Variants in MOB3B observed in about 807,000 individuals in gnomAD.
MOB3B encodes MOB kinase activator-like 2B.
Under a neutral mutation model 18.7 loss-of-function variants are expected in MOB3B, and 7 were observed. The ratio of observed to expected loss-of-function variants is 0.37; its 90% CI spans 0.21 to 0.70. MOB3B has a LOEUF of 0.70. MOB3B is among the 30% of genes least tolerant of loss of function. The pLI, the probability that MOB3B is intolerant of heterozygous loss-of-function variation, is 0.52. For synonymous variants in MOB3B, 111 were observed against 99.9 expected, an observed-to-expected ratio of 1.11 and a Z score of -0.66; for missense variants, 253 against 281.3, an observed-to-expected ratio of 0.90 and a Z score of 0.72.
At chr9:27,378,402 AC>A (rs1405717021) in intron 2 of MOB3B, 1 of 471,670 alleles carries the variant, frequency 2.1e-6, no homozygotes, top group South Asian at 1.5e-5. Flanking sequence ...GACAAAGTGA[AC>A]AGGAGGCAAA....
At chr9:27,363,459 G>A (rs555867826) in intron 2 of MOB3B, among the ~76,000 whole-genome samples, 2 of 151,864 alleles carry the variant, frequency 1.3e-5, no homozygotes, top group Admixed American at 6.6e-5. Flanking sequence ...TAGTAGAGAC[G>A]GGGTTTCACT....
intron 1 of MOB3B, among the ~76,000 whole-genome samples, chr9:27,474,460 C>T (rs1819522329): frequency 6.6e-6 from 1 of 152,188 alleles, no homozygotes; most frequent in Admixed American, 6.5e-5. Flanking sequence ...TCAAGGCTGG[C>T]TGAATAAACC....
intron 2 of MOB3B, among the ~76,000 whole-genome samples, chr9:27,403,361 A>G (rs1309161349): frequency 6.6e-6 from 1 of 152,176 alleles, no homozygotes; most frequent in African/African-American, 2.4e-5. Context: ...CTTAGGAGAA[A>G]GTCAGTTACT....
intron 1 of MOB3B, among the ~76,000 whole-genome samples, chr9:27,508,381 G>A (rs74760524): frequency 0.032 from 4,794 of 152,168 alleles, 102 homozygotes; most frequent in Middle Eastern, 0.065. Context: ...TAAGACAGAA[G>A]CTTCTCCAGA....
intron 2 of MOB3B, among the ~76,000 whole-genome samples, chr9:27,412,350 T>G (rs1822082738): frequency 1.3e-5 from 2 of 150,712 alleles, no homozygotes; most frequent in Non-Finnish European, 3.0e-5. Context: ...CCTAGTAGAC[T>G]TCTAATAAAG....
At chr9:27,494,471 T>C (rs1289759176) in intron 1 of MOB3B, among the ~76,000 whole-genome samples, 3 of 152,162 alleles carry the variant, frequency 2.0e-5, no homozygotes, top group Non-Finnish European at 4.4e-5. Context: ...TTTCTCTCTT[T>C]TGTACTCTGT....
chr9:27,479,174 G>C (rs1665484541), intron 1 of MOB3B, among the ~76,000 whole-genome samples: 1 of 152,150 alleles, frequency 6.6e-6, no homozygotes, highest in African/African-American at 2.4e-5. Context: ...GGAAGTCCAA[G>C]AGCAAGGCAC....
intron 3 of MOB3B, among the ~76,000 whole-genome samples, chr9:27,355,174 T>C (rs937865220): frequency 2.0e-5 from 3 of 152,110 alleles, no homozygotes; most frequent in Non-Finnish European, 4.4e-5. Flanking sequence ...CAGCACAACC[T>C]GTGTGGTAGA....
At chr9:27,510,087 A>G (rs1174301240) in intron 1 of MOB3B, among the ~76,000 whole-genome samples, 1 of 152,232 alleles carries the variant, frequency 6.6e-6, no homozygotes, top group African/African-American at 2.4e-5. Flanking sequence ...CTTTCTGTTC[A>G]ATGGATTTGA....
intron 1 of MOB3B, among the ~76,000 whole-genome samples, chr9:27,492,502 A>G (rs541048217): frequency 9.7e-4 from 148 of 152,310 alleles, no homozygotes; most frequent in African/African-American, 3.3e-3. Context: ...AGTGACTCTC[A>G]AGATGAGGTC....
At chr9:27,398,615 A>C (rs190042658) in intron 2 of MOB3B, among the ~76,000 whole-genome samples, 75 of 152,294 alleles carry the variant, frequency 4.9e-4, no homozygotes, top group African/African-American at 1.8e-3. Context: ...TTGAGACTTA[A>C]AGAGCTGAGT....
intron 1 of MOB3B, among the ~76,000 whole-genome samples, chr9:27,484,992 G>A (rs1353617325): frequency 1.3e-5 from 2 of 152,116 alleles, no homozygotes; most frequent in East Asian, 1.9e-4. Flanking sequence ...GAACCACCCC[G>A]GAAAATTGGC....
In MOB3B at chr9:27,529,676, G is replaced by T; in HGVS notation, c.-320C>A. 1.0e-6 allele frequency: 1 copy of T among 985,416 alleles called. No homozygotes were observed. Among genetic ancestry groups the T allele is most frequent in the Non-Finnish European group, 1.2e-6 (1 of 829,900 alleles). The allele number at this position is 985,416 out of a possible 1,614,324, so 61.0% of individuals were successfully genotyped here. On this transcript the variant is annotated 5_prime_UTR_variant, in exon 1 of 4. Transcript: ENST00000262244. ...GGCGTCGCTTGCCAATCCACGCAAGGGACTCTGCCGCCGGTGCGCGAGGTC... is the reference window on the plus strand; with the variant it reads ...GGCGTCGCTTGCCAATCCACGCAAGTGACTCTGCCGCCGGTGCGCGAGGTC...
At chr9:27,382,212 T>C (rs1246861430) in intron 2 of MOB3B, among the ~76,000 whole-genome samples, 1 of 152,118 alleles carries the variant, frequency 6.6e-6, no homozygotes, top group Non-Finnish European at 1.5e-5. Flanking sequence ...TTGTACTAGG[T>C]CAATTCCTCG....
chr9:27,450,419 A>T (rs1481815221), intron 2 of MOB3B, among the ~76,000 whole-genome samples: 1 of 152,172 alleles, frequency 6.6e-6, no homozygotes, highest in Non-Finnish European at 1.5e-5. Flanking sequence ...AGGCTAAGTA[A>T]TCTGCTGCCC....
At chr9:27,441,545 G>C (rs1448687471) in intron 2 of MOB3B, among the ~76,000 whole-genome samples, 2 of 152,194 alleles carry the variant, frequency 1.3e-5, no homozygotes, top group African/African-American at 2.4e-5. Context: ...TCTACAGTGT[G>C]GGTATGCTGG....
chr9:27,522,748 A>G (rs925129453), intron 1 of MOB3B, among the ~76,000 whole-genome samples: 1 of 152,014 alleles, frequency 6.6e-6, no homozygotes, highest in Non-Finnish European at 1.5e-5. Context: ...TATTATGTAC[A>G]TTTTTAAGGC....
chr9:27,529,736 G>A lies in MOB3B; in HGVS notation c.-380C>T, dbSNP rs3736321. The A allele has an allele frequency of 0.28, 279,677 of 985,234 alleles. 41,511 individuals carry two copies. Among genetic ancestry groups the A allele is most frequent in the East Asian group, 0.5 (4,372 of 8,752 alleles). 61.0% of individuals were successfully genotyped at this position (985,234 alleles called of 1,614,324 possible). A position where few individuals can be genotyped will look rare whatever the true frequency, so the allele number is the denominator to read the frequency against. On this transcript the variant is annotated 5_prime_UTR_variant, in exon 1 of 4. Coordinates refer to ENST00000262244, the MANE Select transcript of MOB3B (RefSeq NM_024761.5). ...CAACCGGCGGACGGGCGAGCGCCTG[G>A]CTCCAGCTGCAGCCGCCGTCGCTCC...
At chr9:27,408,585 C>T (rs1822020513) in intron 2 of MOB3B, among the ~76,000 whole-genome samples, 1 of 152,156 alleles carries the variant, frequency 6.6e-6, no homozygotes, top group Non-Finnish European at 1.5e-5. Flanking sequence ...AATGCAGTAG[C>T]TGTAGCTACA....
Sources: allele counts gnomAD v4.1 joint callset (sites outside exome capture counted in the v4.1 genomes callset), GRCh38; gene constraint gnomAD v4.1.1; transcripts MANE v1.5; gene names NCBI Gene and HGNC (gene_info 2026-07-23, HGNC 2026-07-21).